WDR37: variants seen among roughly 807,000 people sequenced by gnomAD.
WDR37 encodes the protein WD repeat domain 37, also known as WD repeat-containing protein 37.
WDR37 carries 19 observed loss-of-function variants against 62.9 expected under a neutral mutation model. The observed-to-expected ratio is 0.30, with a 90% CI of 0.21 to 0.44. The LOEUF is 0.44. Among genes scored for constraint, WDR37 ranks in the 20% least tolerant of loss-of-function variants. The pLI, the probability that WDR37 is intolerant of heterozygous loss-of-function variation, is 1.00. For synonymous variants in WDR37, 250 were observed against 260.9 expected (o/e 0.96, Z 0.40); for missense variants, 474 against 657.6 (o/e 0.72, Z 3.05).
chr10:1,106,882 G>T (rs180732271), intron 11 of WDR37, among the ~76,000 whole-genome samples: 3 of 152,294 alleles, frequency 2.0e-5, no homozygotes, highest in South Asian at 4.1e-4. Flanking sequence ...AGGCTGGAAC[G>T]GGAGCAGGCA....
At chr10:1,089,612 A>G (rs1035265219) in intron 7 of WDR37, among the ~76,000 whole-genome samples, 1 of 150,736 alleles carries the variant, frequency 6.6e-6, no homozygotes, top group African/African-American at 2.4e-5. Flanking sequence ...CTCACCCACA[A>G]TTCAACCTTC....
chr10:1,126,368 T>G (rs182624320), intron 13 of WDR37, among the ~76,000 whole-genome samples: 4 of 147,534 alleles, frequency 2.7e-5, no homozygotes, highest in Middle Eastern at 3.5e-3. Flanking sequence ...ATCGCGCCAC[T>G]GCACTCCAGC....
chr10:1,059,060 T>G (rs1011640288), intron 1 of WDR37, among the ~76,000 whole-genome samples: 3 of 152,234 alleles, frequency 2.0e-5, no homozygotes, highest in Non-Finnish European at 4.4e-5. Context: ...TTGTGTTTTT[T>G]GTTTCAAATG....
At chr10:1,096,344 C>T in intron 9 of WDR37, 98 bp downstream of exon 9, 2 of 1,381,466 alleles carry the variant, frequency 1.4e-6, no homozygotes, top group Non-Finnish European at 2.0e-6. Context: ...TGTTTGTGTC[C>T]CCCCAAGTTC....
chr10:1,072,597 A>C (rs1207204627), intron 2 of WDR37, among the ~76,000 whole-genome samples: 6 of 152,194 alleles, frequency 3.9e-5, no homozygotes, highest in Admixed American at 3.9e-4. Flanking sequence ...TACAGGCGTG[A>C]GCCACCGGCC....
intron 13 of WDR37, among the ~76,000 whole-genome samples, chr10:1,125,955 G>A (rs1263911465): frequency 6.6e-6 from 1 of 152,188 alleles, no homozygotes; most frequent in Non-Finnish European, 1.5e-5. Context: ...CATGGCACCC[G>A]CACAGATGCA....
chr10:1,127,715 C>T (rs138628003), intron 13 of WDR37, among the ~76,000 whole-genome samples: 155 of 152,174 alleles, frequency 1.0e-3, no homozygotes, highest in African/African-American at 3.5e-3. Context: ...GTCTCTGTGA[C>T]GTGGAGGCTC....
Position 1,107,449 on chromosome 10 carries a change from G to A in WDR37, c.1103+2182G>A, listed in dbSNP as rs183815190. On this transcript the variant is annotated intron_variant, in intron 11 of 13. Coordinates refer to ENST00000263150, the MANE Select transcript of WDR37 (RefSeq NM_014023.4). ...TTTCCTAAGCTTTTTGCTTAGAAAA[G>A]TTTCAAGCCTACATAAAAACCAACA... Among the ~76,000 whole-genome samples the A allele has an allele frequency of 1.4e-3, 219 of 152,398 alleles. 1 individual carries two copies. The highest frequency in any genetic ancestry group is 5.0e-3 in the African/African-American group (210 of 41,600).
At chr10:1,106,207 C>T (rs1835011942) in intron 11 of WDR37, among the ~76,000 whole-genome samples, 1 of 152,078 alleles carries the variant, frequency 6.6e-6, no homozygotes, top group African/African-American at 2.4e-5. Context: ...CTAGAGTGTT[C>T]CCTGGTTCTT....
At chr10:1,097,447 C>T (rs1379926469) in intron 9 of WDR37, among the ~76,000 whole-genome samples, 1 of 152,246 alleles carries the variant, frequency 6.6e-6, no homozygotes, top group Non-Finnish European at 1.5e-5. Context: ...ACCAGAGCTG[C>T]CTGGGCGAGA....
At chr10:1,108,749 C>CCCG (rs61357518) in intron 11 of WDR37, among the ~76,000 whole-genome samples, 6,753 of 127,746 alleles carry the variant, frequency 0.053, 646 homozygotes, top group East Asian at 0.11. Context: ...GCCCCCCCCC[C>CCCG]CCGTGGAACC....
chr10:1,124,311 A>AT lies in WDR37; in HGVS notation c.1198dup (p.Ser400PhefsTer13). The AT allele has an allele frequency of 1.2e-6, 2 of 1,614,084 alleles. No homozygotes were observed. The highest frequency in any genetic ancestry group is 8.5e-7 in the Non-Finnish European group (1 of 1,180,010). On this transcript the variant is annotated frameshift_variant, in exon 12 of 14. Transcript: ENST00000263150. LOFTEE classifies it high-confidence loss of function. Reference sequence around the variant, plus strand: ...AAGTCTGGGACTTGAAAAATATGAGATCCCCCATTGCAACTATTCGCACGG... The same window carrying AT: ...AAGTCTGGGACTTGAAAAATATGAGATTCCCCCATTGCAACTATTCGCACGG...
At chr10:1,072,540 C>T (rs1167881102) in intron 2 of WDR37, among the ~76,000 whole-genome samples, 3 of 152,206 alleles carry the variant, frequency 2.0e-5, no homozygotes, top group African/African-American at 7.2e-5. Context: ...TCTCGAACTC[C>T]TAACCTCAGG....
intron 9 of WDR37, among the ~76,000 whole-genome samples, chr10:1,101,094 C>G (rs1324646988): frequency 6.6e-6 from 1 of 152,242 alleles, no homozygotes; most frequent in Non-Finnish European, 1.5e-5. Context: ...GCCACTCCTG[C>G]AGCAGAGGGC....
intron 2 of WDR37, among the ~76,000 whole-genome samples, chr10:1,075,263 A>G (rs1013778676): frequency 8.8e-5 from 13 of 147,308 alleles, no homozygotes; most frequent in Non-Finnish European, 1.6e-4. Context: ...TTTCTTTTCC[A>G]TAGCAATTCC....
intron 11 of WDR37, among the ~76,000 whole-genome samples, chr10:1,107,139 G>C (rs538552166): frequency 6.6e-6 from 1 of 152,248 alleles, no homozygotes; most frequent in Admixed American, 6.5e-5. Context: ...GCCTGACCCC[G>C]CTGCAGGCCA....
chr10:1,075,735 A>T (rs920023272), intron 2 of WDR37, among the ~76,000 whole-genome samples: 3 of 150,576 alleles, frequency 2.0e-5, no homozygotes, highest in Non-Finnish European at 4.4e-5. Flanking sequence ...AAATACTAAT[A>T]GTGATTCTCA....
In WDR37 at chr10:1,112,017, T is replaced by C. The variant is rs577142154; in HGVS notation, c.1103+6750T>C. On this transcript the variant is annotated intron_variant, in intron 11 of 13. Transcript: ENST00000263150. The stretch of plus-strand genomic sequence containing the variant: ...CCTGGGTTCAAGCGATTCCCCTGCC[T>C]CAGCCTCCCAAGTAGCTGGGACTGC... Among the ~76,000 whole-genome samples the C allele has an allele frequency of 3.2e-3, 480 of 152,266 alleles. 1 individual carries two copies. Among genetic ancestry groups the C allele is most frequent in the East Asian group, 5.2e-3 (27 of 5,176 alleles).
intron 6 of WDR37, 141 bp from the exon 7 acceptor site, chr10:1,086,145 A>G: frequency 3.1e-6 from 2 of 649,196 alleles, no homozygotes; most frequent in Non-Finnish European, 5.3e-6. Flanking sequence ...ATTGAAGCAT[A>G]CAGAGTAATA....
Sources: allele counts gnomAD v4.1 joint callset (sites outside exome capture counted in the v4.1 genomes callset), GRCh38; gene constraint gnomAD v4.1.1; transcripts MANE v1.5; gene names NCBI Gene and HGNC (gene_info 2026-07-23, HGNC 2026-07-21).